Variants in LGALS8 observed in about 807,000 individuals in gnomAD.
LGALS8 encodes the protein galectin 8, also known as galectin-8.
In LGALS8, 30 loss-of-function variants were observed where a neutral mutation model predicts 35.9. The ratio of observed to expected loss-of-function variants is 0.83; its 90% confidence interval spans 0.62 to 1.13. The LOEUF is 1.13. Ranked by LOEUF, LGALS8 falls within the 50% of genes most tolerant of loss-of-function variation. The pLI, the probability that LGALS8 is intolerant of heterozygous loss-of-function variation, is 0.00. For synonymous variants in LGALS8, 138 were observed against 136.1 expected, an observed-to-expected ratio of 1.01 and a Z score of -0.10; for missense variants, 366 against 388.7, an observed-to-expected ratio of 0.94 and a Z score of 0.49.
upstream of LGALS8, chr1:236,523,908 C>A: frequency 2.8e-6 from 1 of 355,220 alleles, no homozygotes; most frequent in Non-Finnish European, 5.6e-6. Flanking sequence ...GTGGGGAGAC[C>A]ACAGCAGTGA....
chr1:236,534,840 A>T (rs1661369410), intron 2 of LGALS8, among the ~76,000 whole-genome samples: 1 of 152,050 alleles, frequency 6.6e-6, no homozygotes, highest in Non-Finnish European at 1.5e-5. Context: ...TGGGAGGATC[A>T]CTTTGAGCCC....
chr1:236,542,486 A>C (rs1225076601), intron 6 of LGALS8: 1 of 503,134 alleles, frequency 2.0e-6, no homozygotes, highest in African/African-American at 1.9e-5. Context: ...TCTCTTAAAA[A>C]AATTTCATAT....
intron 8 of LGALS8, among the ~76,000 whole-genome samples, 177 bp downstream of exon 8, chr1:236,543,825 G>A (rs1287465077): frequency 3.3e-5 from 5 of 152,102 alleles, no homozygotes; most frequent in East Asian, 1.9e-4. Flanking sequence ...CAGCAGAGCC[G>A]ACTAAGGCCG....
intron 2 of LGALS8, among the ~76,000 whole-genome samples, chr1:236,530,156 GT>G (rs1661068361): frequency 6.6e-6 from 1 of 152,204 alleles, no homozygotes; most frequent in African/African-American, 2.4e-5. Context: ...AACAGAATTG[GT>G]TGTTACTCCA....
intron 4 of LGALS8, 28 bp downstream of exon 4, chr1:236,539,117 T>A: frequency 6.3e-7 from 1 of 1,576,406 alleles, no homozygotes; most frequent in Non-Finnish European, 8.7e-7. Flanking sequence ...ACAGGTTGAG[T>A]CCTCATTAGT....
chr1:236,550,856 A>G lies in LGALS8; in HGVS notation c.*2695A>G. ...CAACACCCAAAAATAAAAATATGAA[A>G]TATGAGTGTGAACTCTGAGTAGAGT... On this transcript the variant is annotated 3_prime_UTR_variant, in exon 10 of 10. Transcript: ENST00000366584. The G allele has an allele frequency of 7.0e-7, 1 of 1,424,524 alleles. No individual in the cohort carries two copies. Among genetic ancestry groups the G allele is most frequent in the Non-Finnish European group, 9.6e-7 (1 of 1,039,588 alleles). 88.2% of individuals were successfully genotyped at this position (1,424,524 alleles called of 1,614,324 possible). A position where few individuals can be genotyped will look rare whatever the true frequency, so the allele number is the denominator to read the frequency against.
intron 7 of LGALS8, chr1:236,543,158 G>A (rs916694005): frequency 1.3e-5 from 12 of 911,754 alleles, no homozygotes; most frequent in Admixed American, 4.2e-5. Flanking sequence ...TTTGTGTGCC[G>A]TCCCTGGACG....
intron 2 of LGALS8, among the ~76,000 whole-genome samples, chr1:236,531,542 G>A (rs1378511126): frequency 6.6e-6 from 1 of 152,024 alleles, no homozygotes; most frequent in African/African-American, 2.4e-5. Context: ...AGCCAGGATG[G>A]TCTCGATCTC....
rs769699975 is a variant in LGALS8 at position 236,544,882 on chromosome 1, C to T, written c.771C>T (p.Thr257=). ...ESWGEEERNI[T]SFPFSPGMYF... Reference sequence around the variant, plus strand: ...GGGGAGAAGAAGAGAGAAATATTACCTCTTTCCCATTTAGTCCTGGGATGT... The same window carrying T: ...GGGGAGAAGAAGAGAGAAATATTACTTCTTTCCCATTTAGTCCTGGGATGT... The change falls in exon 9 of 10, where the codon ACC becomes ACT. Residue 257 remains threonine (T), a synonymous_variant. Transcript: ENST00000366584. The T allele has an allele frequency of 1.2e-6, 2 of 1,612,886 alleles. No individual in the cohort carries two copies. The highest frequency in any genetic ancestry group is 3.3e-4 in the Middle Eastern group (2 of 6,060).
At chr1:236,543,205 C>T (rs16833850) in intron 7 of LGALS8, 65,646 of 664,378 alleles carry the variant, frequency 0.099, 5,073 homozygotes, top group East Asian at 0.31. Context: ...CTGAGCCATT[C>T]CTGTGTATTT....
chr1:236,530,204 G>A (rs145206851), intron 2 of LGALS8, among the ~76,000 whole-genome samples: 177 of 152,224 alleles, frequency 1.2e-3, no homozygotes, highest in Non-Finnish European at 2.0e-3. Flanking sequence ...ATCCTACCTG[G>A]TACCCAGTTT....
upstream of LGALS8, among the ~76,000 whole-genome samples, chr1:236,522,125 A>G (rs1660569278): frequency 6.6e-6 from 1 of 152,202 alleles, no homozygotes; most frequent in Admixed American, 6.5e-5. Flanking sequence ...ACAGTGCCAA[A>G]TGAGGGAGAT....
In LGALS8 at chr1:236,551,107, G is replaced by T; in HGVS notation, c.*2946G>T. ...CCGGCAATCATTCAATCAAAAGAGT[G>T]AAATGAAGCACATTAACAAAGCAGG... On this transcript the variant is annotated 3_prime_UTR_variant, in exon 10 of 10. Transcript: ENST00000366584. 2.5e-6 allele frequency: 2 copies of T among 791,024 alleles called. No individual in the cohort carries two copies. The highest frequency in any genetic ancestry group is 3.9e-6 in the Non-Finnish European group (2 of 514,510). The allele number at this position is 791,024 out of a possible 1,614,324, so 49.0% of individuals were successfully genotyped here.
chr1:236,538,938 A>G lies in LGALS8; in HGVS notation c.194A>G (p.His65Arg). Reference protein sequence around the residue: ...SMKPRADVAFHFNPRFKRAGC... With the variant: ...SMKPRADVAFRFNPRFKRAGC... ...AAACCTCGAGCCGATGTGGCCTTTC[A>G]TTTCAATCCTCGTTTCAAAAGGGCC... The change falls in exon 4 of 10, where the codon CAT (histidine) becomes CGT (arginine). Residue 65 changes from histidine to arginine, a missense_variant. Transcript: ENST00000366584. 1.2e-6 allele frequency: 2 copies of G among 1,613,924 alleles called. No homozygotes were observed. The highest frequency in any genetic ancestry group is 1.7e-6 in the Non-Finnish European group (2 of 1,180,026).
At chr1:236,539,548 T>C (rs1661818076) in intron 4 of LGALS8, among the ~76,000 whole-genome samples, 1 of 152,220 alleles carries the variant, frequency 6.6e-6, no homozygotes, top group Non-Finnish European at 1.5e-5. Context: ...AAATCCTTGA[T>C]GTCAGTTCCA....
At chr1:236,523,319 G>A (rs1233717086), upstream of LGALS8, 2 of 152,236 alleles carry the variant, frequency 1.3e-5, no homozygotes, top group Non-Finnish European at 2.9e-5. Context: ...TATCACTAAC[G>A]GATGGGGAGC....
At position 236,543,653 on chromosome 1, in the gene LGALS8, G is replaced by A; in HGVS notation, c.638+5G>A. Reference sequence around the variant, plus strand: ...AGTGAATGCAAATGCCAAAAGGTCAGTATCCTTCGGTACCAGTCACAGTGC... The same window carrying A: ...AGTGAATGCAAATGCCAAAAGGTCAATATCCTTCGGTACCAGTCACAGTGC... On this transcript the variant is annotated splice_donor_5th_base_variant and intron_variant, in intron 8 of 9. Transcript: ENST00000366584. 1 of 1,602,178 alleles carries A rather than the reference G, an allele frequency of 6.2e-7. No individual in the cohort carries two copies. Among genetic ancestry groups the A allele is most frequent in the African/African-American group, 1.3e-5 (1 of 74,764 alleles).
At chr1:236,534,237 T>A (rs1326663298) in intron 2 of LGALS8, among the ~76,000 whole-genome samples, 2 of 152,192 alleles carry the variant, frequency 1.3e-5, no homozygotes, top group Non-Finnish European at 2.9e-5. Context: ...AAATAGAGTA[T>A]CACATTTTCA....
chr1:236,548,741 C>T lies in LGALS8; in HGVS notation c.*580C>T. On this transcript the variant is annotated 3_prime_UTR_variant, in exon 10 of 10. Coordinates refer to ENST00000366584, the MANE Select transcript of LGALS8 (RefSeq NM_201544.4). ...TGTCATAACCAGTGCTCTACCGTAT[C>T]CCATCACTGAGGACTGATGTTGACT... 2.6e-6 allele frequency: 1 copy of T among 390,000 alleles called. No homozygotes were observed. Among genetic ancestry groups the T allele is most frequent in the East Asian group, 3.6e-5 (1 of 27,650 alleles). 24.2% of individuals were successfully genotyped at this position (390,000 alleles called of 1,614,324 possible).
Sources: gnomAD v4.1 joint callset for allele counts (sites outside exome capture counted in the v4.1 genomes callset) on GRCh38, gnomAD v4.1.1 for gene constraint, MANE v1.5 for transcripts, NCBI Gene and HGNC (gene_info 2026-07-23, HGNC 2026-07-21) for gene names.